LRRC4C: variants seen among roughly 807,000 people sequenced by gnomAD.
The protein encoded by LRRC4C is leucine-rich repeat-containing protein 4C.
Under a neutral mutation model 33.6 loss-of-function variants are expected in LRRC4C, and 5 were observed. The ratio of observed to expected loss-of-function variants is 0.15; its 90% confidence interval spans 0.08 to 0.31. The LOEUF is 0.31. Ranked by LOEUF, LRRC4C falls within the 10% of genes least tolerant of loss-of-function variation. The pLI, the probability that LRRC4C is intolerant of heterozygous loss-of-function variation, is 1.00. For synonymous variants in LRRC4C, 329 were observed against 302.0 expected (o/e 1.09, Z -0.93); for missense variants, 560 against 796.7 (o/e 0.70, Z 3.58).
At chr11:40,554,943 G>GA (rs1957276699) in intron 3 of LRRC4C, among the ~76,000 whole-genome samples, 1 of 143,186 alleles carries the variant, frequency 7.0e-6, no homozygotes, top group South Asian at 2.1e-4. Flanking sequence ...GGATGGTCTC[G>GA]ATCTCCTGAC....
chr11:40,433,604 C>G (rs560440014), intron 3 of LRRC4C, among the ~76,000 whole-genome samples: 2 of 152,308 alleles, frequency 1.3e-5, no homozygotes, highest in African/African-American at 4.8e-5. Flanking sequence ...GACAAGCTCC[C>G]TGACGAAGTT....
At chr11:41,230,210 A>G (rs1242912762) in intron 1 of LRRC4C, among the ~76,000 whole-genome samples, 1 of 152,086 alleles carries the variant, frequency 6.6e-6, no homozygotes, top group Non-Finnish European at 1.5e-5. Flanking sequence ...TTTTTGTTTT[A>G]TACATCCATT....
intron 1 of LRRC4C, among the ~76,000 whole-genome samples, chr11:41,441,671 C>T (rs1275504700): frequency 1.3e-5 from 2 of 151,110 alleles, no homozygotes. Flanking sequence ...TATTTCATTC[C>T]TTCTGCCTTG....
intron 3 of LRRC4C, among the ~76,000 whole-genome samples, chr11:40,342,822 T>G (rs940412623): frequency 2.0e-5 from 3 of 152,146 alleles, no homozygotes; most frequent in Non-Finnish European, 4.4e-5. Flanking sequence ...TACTACATAT[T>G]GCTAATCATA....
intron 1 of LRRC4C, among the ~76,000 whole-genome samples, chr11:41,279,468 C>G (rs1191190033): frequency 6.7e-6 from 1 of 149,806 alleles, no homozygotes; most frequent in Non-Finnish European, 1.5e-5. Flanking sequence ...AAGAAGGCAG[C>G]TTCTTTGCCT....
chr11:40,797,932 C>T (rs1255906239), intron 2 of LRRC4C, among the ~76,000 whole-genome samples: 2 of 152,004 alleles, frequency 1.3e-5, no homozygotes, highest in African/African-American at 4.8e-5. Flanking sequence ...AGCCAAATTC[C>T]CTAAAGTATG....
chr11:41,212,715 C>T (rs922661437), intron 1 of LRRC4C, among the ~76,000 whole-genome samples: 2 of 152,240 alleles, frequency 1.3e-5, no homozygotes, highest in African/African-American at 2.4e-5. Context: ...TTCCATTTAT[C>T]GAAGCTCCAC....
chr11:40,673,857 G>A (rs1413548950), intron 2 of LRRC4C, among the ~76,000 whole-genome samples: 2 of 152,154 alleles, frequency 1.3e-5, no homozygotes, highest in East Asian at 3.9e-4. Context: ...ATGAAGTGTT[G>A]CAAGGAAATA....
chr11:41,212,770 C>G (rs1463037007), intron 1 of LRRC4C, among the ~76,000 whole-genome samples: 1 of 152,208 alleles, frequency 6.6e-6, no homozygotes, highest in African/African-American at 2.4e-5. Context: ...ATTTATGTCC[C>G]TGCAAAGGAC....
intron 3 of LRRC4C, among the ~76,000 whole-genome samples, chr11:40,538,046 A>G (rs1008068567): frequency 6.6e-6 from 1 of 152,064 alleles, no homozygotes; most frequent in Non-Finnish European, 1.5e-5. Flanking sequence ...GCATTAACCT[A>G]TTGTCTCTCA....
At chr11:40,319,216 C>G (rs868391108) in intron 4 of LRRC4C, among the ~76,000 whole-genome samples, 1 of 152,180 alleles carries the variant, frequency 6.6e-6, no homozygotes, top group African/African-American at 2.4e-5. Flanking sequence ...AGTAGAGTTG[C>G]TTATTTGATT....
rs1266161604 is a variant in LRRC4C at position 41,319,311 on chromosome 11, C to A, written c.-496+140120G>T. Among the ~76,000 whole-genome samples, 4 of 145,342 alleles carry A rather than the reference C, an allele frequency of 2.8e-5. 1 individual carries two copies. Among genetic ancestry groups the A allele is most frequent in the South Asian group, 4.3e-4 (2 of 4,632 alleles). ...AGAAATTAAAAATCTATATTTAAAT[C>A]TGCAAGGGGTGACCACTGGAAAATC... On this transcript the variant is annotated intron_variant, in intron 1 of 6. Coordinates refer to ENST00000528697, the MANE Select transcript of LRRC4C (RefSeq NM_001258419.2).
At chr11:40,588,603 T>C (rs1245908092) in intron 3 of LRRC4C, among the ~76,000 whole-genome samples, 3 of 151,920 alleles carry the variant, frequency 2.0e-5, no homozygotes, top group African/African-American at 7.3e-5. Context: ...TGCTTTCTCT[T>C]GTGGGTATTT....
chr11:40,962,265 G>C (rs1851029481), intron 1 of LRRC4C, among the ~76,000 whole-genome samples: 1 of 151,564 alleles, frequency 6.6e-6, no homozygotes, highest in Non-Finnish European at 1.5e-5. Context: ...AATGGAGGGA[G>C]GTTCTAGAGG....
intron 1 of LRRC4C, among the ~76,000 whole-genome samples, chr11:41,208,418 T>A (rs1165290598): frequency 1.3e-5 from 2 of 152,224 alleles, no homozygotes; most frequent in Non-Finnish European, 2.9e-5. Flanking sequence ...TGCCTGTGCA[T>A]GTTGCCAAAA....
chr11:40,718,558 GC>G (rs1425096838), intron 2 of LRRC4C, among the ~76,000 whole-genome samples: 1 of 152,136 alleles, frequency 6.6e-6, no homozygotes, highest in Non-Finnish European at 1.5e-5. Context: ...TAGGTCACCT[GC>G]CAGTTATGTA....
intron 2 of LRRC4C, among the ~76,000 whole-genome samples, chr11:40,712,501 A>C (rs1448932232): frequency 6.6e-6 from 1 of 152,214 alleles, no homozygotes; most frequent in Non-Finnish European, 1.5e-5. Context: ...ATTGTAGTTC[A>C]TGGGAACAGA....
chr11:40,389,479 A>AC (rs1949252472), intron 3 of LRRC4C, among the ~76,000 whole-genome samples: 1 of 151,196 alleles, frequency 6.6e-6, no homozygotes, highest in Non-Finnish European at 1.5e-5. Context: ...CAAAAAAAAA[A>AC]ATAATCAAAA....
At chr11:40,913,279 T>C (rs938332940) in intron 2 of LRRC4C, among the ~76,000 whole-genome samples, 3 of 152,048 alleles carry the variant, frequency 2.0e-5, no homozygotes, top group South Asian at 2.1e-4. Flanking sequence ...TATTCCAAAA[T>C]TGACCAAATA....
Sources: gnomAD v4.1 joint callset for allele counts (sites outside exome capture counted in the v4.1 genomes callset) on GRCh38, gnomAD v4.1.1 for gene constraint, MANE v1.5 for transcripts, NCBI Gene and HGNC (gene_info 2026-07-23, HGNC 2026-07-21) for gene names.